Variants in MPP7 observed in about 807,000 individuals in gnomAD.
MPP7 encodes MAGUK p55 subfamily member 7.
A neutral mutation model predicts 76.5 loss-of-function variants in MPP7; 60 were observed. That is an observed-to-expected ratio of 0.78 (90% CI 0.64 to 0.97). The LOEUF is 0.97. Ranked by LOEUF, MPP7 falls within the 50% of genes least tolerant of loss-of-function variation. MPP7 has a pLI of 0.00. For synonymous variants in MPP7, 237 were observed against 244.5 expected (o/e 0.97, Z 0.29); for missense variants, 641 against 694.0 (o/e 0.92, Z 0.86).
At chr10:28,222,851 C>CAAA (rs71908213) in intron 2 of MPP7, among the ~76,000 whole-genome samples, 1,801 of 117,596 alleles carry the variant, frequency 0.015, 50 homozygotes, top group African/African-American at 0.051. Context: ...GACTCCATCT[C>CAAA]AAAAAAAAAA....
chr10:28,095,342 AAG>A (rs944361698), intron 11 of MPP7, among the ~76,000 whole-genome samples: 2 of 151,978 alleles, frequency 1.3e-5, no homozygotes, highest in African/African-American at 2.4e-5. Context: ...AAGATACAGC[AAG>A]AGTTATGAAA....
At chr10:28,202,916 G>A (rs1163817805) in intron 2 of MPP7, 1 of 152,074 alleles carries the variant, frequency 6.6e-6, no homozygotes, top group Non-Finnish European at 1.5e-5. Context: ...TAAAGTAACA[G>A]ATGCGGGTTA....
intron 1 of MPP7, among the ~76,000 whole-genome samples, chr10:28,249,461 C>T (rs569759785): frequency 2.0e-5 from 3 of 152,082 alleles, no homozygotes; most frequent in Non-Finnish European, 2.9e-5. Context: ...TGGTGGCACA[C>T]GCTTGTAGTC....
intron 1 of MPP7, among the ~76,000 whole-genome samples, chr10:28,299,330 T>C (rs1336143619): frequency 6.6e-6 from 1 of 152,152 alleles, no homozygotes; most frequent in Non-Finnish European, 1.5e-5. Flanking sequence ...TTCAATATTG[T>C]TGTGTCTCAG....
chr10:28,202,730 T>C (rs1361351678), intron 2 of MPP7, among the ~76,000 whole-genome samples: 2 of 151,912 alleles, frequency 1.3e-5, no homozygotes, highest in African/African-American at 2.4e-5. Flanking sequence ...TAATAACATA[T>C]AGTTTCAAAA....
chr10:28,166,453 G>A (rs1199379286), intron 3 of MPP7, among the ~76,000 whole-genome samples: 9 of 142,588 alleles, frequency 6.3e-5, no homozygotes, highest in Admixed American at 5.2e-4. Context: ...TGTTGCTCAG[G>A]CTGGAGTGCA....
chr10:28,205,546 C>A (rs1314951190), intron 2 of MPP7, among the ~76,000 whole-genome samples: 2 of 152,050 alleles, frequency 1.3e-5, no homozygotes, highest in African/African-American at 4.8e-5. Context: ...TCATTGATTC[C>A]AGTAAACAGT....
At chr10:28,174,088 C>A (rs1434118415) in intron 3 of MPP7, among the ~76,000 whole-genome samples, 1 of 152,168 alleles carries the variant, frequency 6.6e-6, no homozygotes, top group African/African-American at 2.4e-5. Context: ...ACCACTACAG[C>A]CCCCAAAGTG....
intron 1 of MPP7, among the ~76,000 whole-genome samples, chr10:28,281,852 G>A (rs746823130): frequency 2.2e-4 from 33 of 152,008 alleles, no homozygotes; most frequent in Middle Eastern, 3.2e-3. Flanking sequence ...CTAGTTTTAC[G>A]GTCCACATTC....
intron 3 of MPP7, 104 bp downstream of exon 3, chr10:28,202,049 T>C: frequency 3.8e-6 from 3 of 794,172 alleles, no homozygotes; most frequent in Non-Finnish European, 6.5e-6. Context: ...CAAGGCTGTT[T>C]TGTTTTCAGA....
At chr10:28,315,340 G>T (rs572249458) in intron 2 of MPP7, among the ~76,000 whole-genome samples, 7 of 149,282 alleles carry the variant, frequency 4.7e-5, no homozygotes, top group Non-Finnish European at 7.4e-5. Flanking sequence ...GAAAGAAGGA[G>T]GGAGGGAAGG....
chr10:28,168,518 CCTT>C (rs1279110901), intron 3 of MPP7, among the ~76,000 whole-genome samples: 16 of 151,804 alleles, frequency 1.1e-4, no homozygotes. Context: ...TTTTACCTCA[CCTT>C]CTTTTTTTTT....
intron 12 of MPP7, among the ~76,000 whole-genome samples, chr10:28,088,453 A>T (rs1853125933): frequency 6.7e-6 from 1 of 149,492 alleles, no homozygotes; most frequent in Admixed American, 6.7e-5. Context: ...TGTCGCTCTC[A>T]CTCTCTCTCT....
At chr10:28,305,256 G>A (rs907074018), upstream of MPP7, 6 of 152,238 alleles carry the variant, frequency 3.9e-5, no homozygotes, top group South Asian at 1.0e-3. Flanking sequence ...TGCATAAGGA[G>A]AGTGCTACTA....
intron 3 of MPP7, among the ~76,000 whole-genome samples, chr10:28,165,076 A>G: frequency 6.6e-6 from 1 of 152,110 alleles, no homozygotes; most frequent in East Asian, 1.9e-4. Flanking sequence ...TATGGCTCCA[A>G]ATGAACACAG....
At chr10:28,230,312 G>A (rs1314563793) in intron 2 of MPP7, among the ~76,000 whole-genome samples, 1 of 151,684 alleles carries the variant, frequency 6.6e-6, no homozygotes, top group East Asian at 2.0e-4. Flanking sequence ...AAATACTCTA[G>A]TTAAAAGCAA....
intron 1 of MPP7, among the ~76,000 whole-genome samples, chr10:28,262,969 T>A (rs1476875054): frequency 2.0e-5 from 3 of 152,042 alleles, no homozygotes; most frequent in African/African-American, 7.2e-5. Context: ...AGCACGAGAA[T>A]CGCTTGAACC....
chr10:28,259,966 G>A (rs1183388986), intron 1 of MPP7, among the ~76,000 whole-genome samples: 1 of 152,200 alleles, frequency 6.6e-6, no homozygotes, highest in East Asian at 1.9e-4. Context: ...CTGGGTGACA[G>A]AGCAAGAGTC....
At chr10:28,149,865 TA>T in intron 4 of MPP7, 116 bp downstream of exon 4, 1 of 596,076 alleles carries the variant, frequency 1.7e-6, no homozygotes, top group Non-Finnish European at 2.8e-6. Flanking sequence ...GAAACATTTG[TA>T]ACCTCTTCTG....
Sources: gnomAD v4.1 joint callset for allele counts (sites outside exome capture counted in the v4.1 genomes callset) on GRCh38, gnomAD v4.1.1 for gene constraint, MANE v1.5 for transcripts, NCBI Gene and HGNC (gene_info 2026-07-23, HGNC 2026-07-21) for gene names.